The following BAIAP2 variants were observed in gnomAD, a reference collection of about 807,000 sequenced individuals.
BAIAP2 encodes the protein BAR/IMD domain containing adaptor protein 2, also known as BAR/IMD domain-containing adapter protein 2.
In BAIAP2, 18 loss-of-function variants were observed where a neutral mutation model predicts 63.0. The ratio of observed to expected loss-of-function variants is 0.29; its 90% confidence interval spans 0.20 to 0.42. The LOEUF (loss-of-function observed/expected upper bound fraction) is 0.42, where lower values mean the gene tolerates loss of function less well. Ranked by LOEUF, BAIAP2 falls within the 10% of genes least tolerant of loss-of-function variation. The pLI, the probability that BAIAP2 is intolerant of heterozygous loss-of-function variation, is 1.00. For missense variants in BAIAP2, 610 were observed against 734.3 expected, an observed-to-expected ratio of 0.83 and a Z score of 1.96; for synonymous variants, 386 against 307.6, an observed-to-expected ratio of 1.25 and a Z score of -2.67.
At chr17:81,041,349 C>G (rs1394988582) in intron 1 of BAIAP2, among the ~76,000 whole-genome samples, 1 of 152,188 alleles carries the variant, frequency 6.6e-6, no homozygotes, top group African/African-American at 2.4e-5. Flanking sequence ...CCTCAGTGCT[C>G]TAGTCCTCAC....
intron 5 of BAIAP2, among the ~76,000 whole-genome samples, chr17:81,086,021 CCTT>C (rs751487789): frequency 3.3e-5 from 5 of 152,162 alleles, no homozygotes; most frequent in Non-Finnish European, 7.4e-5. Context: ...TGCAGGAGCT[CCTT>C]CTCTGGCCTC....
At position 81,104,030 on chromosome 17, in the gene BAIAP2, C is replaced by G; in HGVS notation, c.988C>G (p.Gln330Glu). The change falls in exon 9 of 14, where the codon CAG becomes GAG. Residue 330 changes from glutamine (Q) to glutamate (E), a missense_variant. By Grantham distance (29) the Gln-to-Glu change is conservative. Around this residue, in one of 5 missense-constraint regions of BAIAP2, gnomAD observed 389 missense variants for 455.6 expected, o/e 0.85. Transcript: ENST00000428708. ...CAAATCCCTGTCTCCTCCGCAGTCTCAGAGCAAGCTCAGCGACTCCTACTC... is the reference window on the plus strand; with the variant it reads ...CAAATCCCTGTCTCCTCCGCAGTCTGAGAGCAAGCTCAGCGACTCCTACTC... ...QPKSLSPPQS[Q>E]SKLSDSYSNT... 1.2e-6 allele frequency: 2 copies of G among 1,613,290 alleles called. No individual in the cohort carries two copies. Among genetic ancestry groups the G allele is most frequent in the Non-Finnish European group, 8.5e-7 (1 of 1,180,010 alleles).
chr17:81,105,111 G>GTGGCAGGGGTCTGCCCCA (rs755291854), intron 10 of BAIAP2: 1 of 114,380 alleles, frequency 8.7e-6, no homozygotes, highest in Non-Finnish European at 1.9e-5. Flanking sequence ...TCTCCCCCCA[G>GTGGCAGGGGTCTGCCCCA]TGGCAGGGGT....
intron 3 of BAIAP2, among the ~76,000 whole-genome samples, chr17:81,080,833 A>G (rs967966776): frequency 3.3e-5 from 5 of 152,164 alleles, no homozygotes; most frequent in Non-Finnish European, 7.4e-5. Flanking sequence ...CCTGGGTGAC[A>G]TAGTGAGACC....
At chr17:81,086,059 G>A (rs367854239) in intron 5 of BAIAP2, among the ~76,000 whole-genome samples, 35 of 151,966 alleles carry the variant, frequency 2.3e-4, no homozygotes, top group African/African-American at 6.3e-4. Flanking sequence ...CTCTCGGCCC[G>A]TCCTGCCCCA....
chr17:81,041,312 C>G (rs2047040643), intron 1 of BAIAP2, among the ~76,000 whole-genome samples: 1 of 152,202 alleles, frequency 6.6e-6, no homozygotes, highest in Non-Finnish European at 1.5e-5. Context: ...GGGCCTGTCC[C>G]AGGTCAGGTG....
chr17:81,048,952 G>A (rs747101790), intron 1 of BAIAP2, among the ~76,000 whole-genome samples: 1 of 152,190 alleles, frequency 6.6e-6, no homozygotes, highest in African/African-American at 2.4e-5. Context: ...GGAGCCCCTC[G>A]TGGGCCGGAC....
At chr17:81,055,496 G>A (rs2049327186) in intron 2 of BAIAP2, among the ~76,000 whole-genome samples, 1 of 151,788 alleles carries the variant, frequency 6.6e-6, no homozygotes, top group African/African-American at 2.4e-5. Context: ...TGGGCCCGGG[G>A]TTGCACCCGA....
At chr17:81,099,429 G>GGGCTGAGAT (rs111354722) in intron 6 of BAIAP2, among the ~76,000 whole-genome samples, 40 of 151,780 alleles carry the variant, frequency 2.6e-4, no homozygotes, top group African/African-American at 7.5e-4. Context: ...TTTCGTGCTG[G>GGGCTGAGAT]GGCTGAGATG....
intron 13 of BAIAP2, chr17:81,109,489 G>A (rs780569901): frequency 9.1e-6 from 9 of 984,898 alleles, no homozygotes; most frequent in Non-Finnish European, 1.1e-5. Context: ...TCTCGCATCC[G>A]ACTTCCCCGG....
intron 3 of BAIAP2, among the ~76,000 whole-genome samples, chr17:81,068,458 C>T (rs1197164068): frequency 6.6e-6 from 1 of 152,240 alleles, no homozygotes; most frequent in Non-Finnish European, 1.5e-5. Context: ...CCATCCGGGT[C>T]ACGGGTGTTC....
At chr17:81,053,542 G>A in intron 1 of BAIAP2, 126 bp from the exon 2 acceptor site, 1 of 958,546 alleles carries the variant, frequency 1.0e-6, no homozygotes, top group Non-Finnish European at 1.6e-6. Context: ...AGCCCACCTT[G>A]AGCATTTGTG....
intron 1 of BAIAP2, among the ~76,000 whole-genome samples, chr17:81,038,577 CG>C (rs2046624284): frequency 1.3e-5 from 2 of 152,224 alleles, no homozygotes; most frequent in Admixed American, 1.3e-4. Flanking sequence ...GCCAGCCTGG[CG>C]GGGCCGCAGC....
intron 11 of BAIAP2, among the ~76,000 whole-genome samples, chr17:81,106,454 C>T (rs1200022646): frequency 6.6e-6 from 1 of 152,174 alleles, no homozygotes; most frequent in African/African-American, 2.4e-5. Flanking sequence ...TTCTCCCAGC[C>T]TTCAGAGAAT....
intron 1 of BAIAP2, among the ~76,000 whole-genome samples, chr17:81,039,158 C>T (rs905107607): frequency 1.3e-5 from 2 of 152,240 alleles, no homozygotes; most frequent in African/African-American, 4.8e-5. Flanking sequence ...CCACCGCCAG[C>T]CTTTAGCAGG....
chr17:81,106,714 C>T (rs781336256), intron 11 of BAIAP2, 31 bp from the exon 12 acceptor site: 2 of 1,611,812 alleles, frequency 1.2e-6, no homozygotes, highest in Non-Finnish European at 8.5e-7. Context: ...ATCCGGCCTG[C>T]TGGGCCGCCT....
intron 3 of BAIAP2, among the ~76,000 whole-genome samples, chr17:81,076,691 A>G (rs1346838549): frequency 2.6e-5 from 4 of 152,204 alleles, no homozygotes; most frequent in Non-Finnish European, 5.9e-5. Context: ...GTTGTATTCA[A>G]CCACAAAGGA....
chr17:81,094,024 TGAGGAGC>T (rs2057251405), intron 6 of BAIAP2, among the ~76,000 whole-genome samples: 1 of 146,680 alleles, frequency 6.8e-6, no homozygotes, highest in Non-Finnish European at 1.5e-5. Context: ...AACAGGAGTG[TGAGGAGC>T]CAGGAGCCAC....
At chr17:81,068,480 G>T (rs533189773) in intron 3 of BAIAP2, among the ~76,000 whole-genome samples, 3 of 152,356 alleles carry the variant, frequency 2.0e-5, no homozygotes, top group East Asian at 3.9e-4. Context: ...TTTGGCCCCA[G>T]CTGTAGGAGG....
Sources: gnomAD v4.1 joint callset for allele counts (sites outside exome capture counted in the v4.1 genomes callset) on GRCh38, gnomAD v4.1.1 for gene constraint, gnomAD v4.1.1 regional missense constraint, MANE v1.5 for transcripts, NCBI Gene and HGNC (gene_info 2026-07-23, HGNC 2026-07-21) for gene names.